The following ZMYM4 variants were observed in gnomAD, a reference collection of about 807,000 sequenced individuals.
ZMYM4 encodes the protein zinc finger MYM-type containing 4.
Under a neutral mutation model 183.2 loss-of-function variants are expected in ZMYM4, and 31 were observed. The observed-to-expected ratio is 0.17, with a 90% CI of 0.13 to 0.23. The LOEUF (loss-of-function observed/expected upper bound fraction) is 0.23. Among genes scored for constraint, ZMYM4 ranks in the 10% least tolerant of loss-of-function variants. ZMYM4 has a pLI of 1.00. For synonymous variants in ZMYM4, 592 were observed against 631.2 expected, an observed-to-expected ratio of 0.94 and a Z score of 0.93; for missense variants, 1,273 against 1,840.3, an observed-to-expected ratio of 0.69 and a Z score of 5.64.
intron 1 of ZMYM4, among the ~76,000 whole-genome samples, chr1:35,270,104 GAGCTA>G (rs1469682443): frequency 2.6e-5 from 4 of 152,218 alleles, no homozygotes; most frequent in African/African-American, 9.7e-5. Flanking sequence ...GCCTGGCACT[GAGCTA>G]AGACCTTTAT....
rs767639673 is a variant in ZMYM4, at chr1:35,325,395, TG to T, written c.76del (p.Val26Ter). 5 of 1,604,260 alleles carry T rather than the reference TG, an allele frequency of 3.1e-6. No homozygotes were observed. The highest frequency in any genetic ancestry group is 4.3e-6 in the Non-Finnish European group (5 of 1,175,094). On this transcript the variant is annotated frameshift_variant, in exon 2 of 30. Coordinates refer to ENST00000314607, the MANE Select transcript of ZMYM4 (RefSeq NM_005095.3). LOFTEE classifies it high-confidence loss of function. Reference protein sequence around the residue: ...QKSGAVFDEIVENCGGIMDTE... With the variant: ...QKSGAVFDEIXENCGGIMDTE... ...AAAGTGGTGCAGTTTTTGATGAAAT[TG>T]TAGAGAACTGTAAGTACCATTTGAG... is the stretch of plus-strand genomic sequence containing the variant.
intron 10 of ZMYM4, 120 bp downstream of exon 10, chr1:35,385,712 T>C: frequency 8.6e-7 from 1 of 1,164,192 alleles, no homozygotes; most frequent in Non-Finnish European, 1.2e-6. Flanking sequence ...CAGATATTTG[T>C]TGTAAAATAT....
At chr1:35,397,670 T>C in intron 20 of ZMYM4, 125 bp downstream of exon 20, 1 of 758,608 alleles carries the variant, frequency 1.3e-6, no homozygotes, top group East Asian at 3.2e-5. Flanking sequence ...ATACCAAGCC[T>C]GTGGGGTTGA....
intron 2 of ZMYM4, among the ~76,000 whole-genome samples, chr1:35,347,715 G>A (rs1000172022): frequency 2.6e-5 from 4 of 152,102 alleles, no homozygotes; most frequent in African/African-American, 9.7e-5. Context: ...AGGAAGAATA[G>A]TAGGAATGCT....
chr1:35,302,526 T>G (rs618654), intron 1 of ZMYM4, among the ~76,000 whole-genome samples: 1 of 151,448 alleles, frequency 6.6e-6, no homozygotes, highest in African/African-American at 2.4e-5. Context: ...GCTGGAACTA[T>G]GGGTGCCTGC....
At chr1:35,287,837 C>T (rs752776484) in intron 1 of ZMYM4, among the ~76,000 whole-genome samples, 12 of 152,262 alleles carry the variant, frequency 7.9e-5, no homozygotes, top group Non-Finnish European at 1.5e-4. Flanking sequence ...AACTCCTGAC[C>T]TCGCGGTCTA....
At chr1:35,373,165 A>G (rs1644251567) in intron 7 of ZMYM4, among the ~76,000 whole-genome samples, 1 of 151,918 alleles carries the variant, frequency 6.6e-6, no homozygotes, top group Non-Finnish European at 1.5e-5. Flanking sequence ...TCTCAAAAAA[A>G]AAGAAAGAAA....
chr1:35,269,036 CG>C lies in ZMYM4; in HGVS notation c.-7del. 1 of 1,541,542 alleles carries C rather than the reference CG, an allele frequency of 6.5e-7. No homozygotes were observed. ...CGCGGGGAGCCGCAGCGGTTCCGAG[CG>C]GGGCCCAACATGGCGGAGAGAGAGG... On this transcript the variant is annotated 5_prime_UTR_variant, in exon 1 of 30. Coordinates refer to ENST00000314607, the MANE Select transcript of ZMYM4 (RefSeq NM_005095.3).
At chr1:35,288,274 T>A (rs902549993) in intron 1 of ZMYM4, among the ~76,000 whole-genome samples, 3 of 152,228 alleles carry the variant, frequency 2.0e-5, no homozygotes, top group Admixed American at 6.5e-5. Context: ...ACCCCATTCA[T>A]TTTTACACAT....
chr1:35,393,366 T>C (rs968566105), intron 17 of ZMYM4, among the ~76,000 whole-genome samples: 10 of 152,192 alleles, frequency 6.6e-5, no homozygotes, highest in Admixed American at 6.5e-5. Flanking sequence ...TCTTGGTAAA[T>C]AGAAATTGTG....
intron 15 of ZMYM4, among the ~76,000 whole-genome samples, chr1:35,390,548 C>T (rs1291301798): frequency 1.3e-5 from 2 of 152,056 alleles, no homozygotes; most frequent in African/African-American, 4.8e-5. Context: ...AGGAACAGGC[C>T]ATTTTCACTT....
rs779799823 is a variant in ZMYM4 at position 35,381,358 on chromosome 1, G to C, written c.1281G>C (p.Leu427=). 1 of 1,601,380 alleles carries C rather than the reference G, an allele frequency of 6.2e-7. No individual in the cohort carries two copies. Among genetic ancestry groups the C allele is most frequent in the Non-Finnish European group, 8.5e-7 (1 of 1,172,770 alleles). The change falls in exon 8 of 30, where the codon CTG becomes CTC. Residue 427 remains leucine, a synonymous_variant. Coordinates refer to ENST00000314607, the MANE Select transcript of ZMYM4 (RefSeq NM_005095.3). The part of the protein sequence containing the change: ...CSQSCLSTYE[L]KKKPIVTINT... ...AGTCATGTTTGTCAACATATGAACT[G>C]AAAAAAAAACCTATTGTTACCATAA...
intron 1 of ZMYM4, among the ~76,000 whole-genome samples, chr1:35,273,660 T>G (rs1462583663): frequency 1.3e-5 from 2 of 152,196 alleles, no homozygotes; most frequent in African/African-American, 4.8e-5. Flanking sequence ...AGTAGTATGC[T>G]TCCATTTTTT....
At chr1:35,387,631 C>T in intron 13 of ZMYM4, 27 bp downstream of exon 13, 1 of 1,585,708 alleles carries the variant, frequency 6.3e-7, no homozygotes, top group Non-Finnish European at 8.5e-7. Flanking sequence ...ATCTTACCTA[C>T]TGAGCATGTT....
Position 35,389,405 on chromosome 1 carries a change from T to C in ZMYM4, c.2436+323T>C, listed in dbSNP as rs1644651178. 1.3e-5 allele frequency among the ~76,000 whole-genome samples: 2 copies of C among 152,204 alleles called. No individual in the cohort carries two copies. Among genetic ancestry groups the C allele is most frequent in the South Asian group, 4.1e-4 (2 of 4,834 alleles). Reference sequence around the variant, plus strand: ...TAGACCTTATTTTTATTTCACTTTGTTTTTTAATTGCTATAGAGTGAAGTC... The same window carrying C: ...TAGACCTTATTTTTATTTCACTTTGCTTTTTAATTGCTATAGAGTGAAGTC... On this transcript the variant is annotated intron_variant, in intron 14 of 29. Coordinates refer to ENST00000314607, the MANE Select transcript of ZMYM4 (RefSeq NM_005095.3). The surrounding 1 kb of genome is among the most constrained non-coding windows in gnomAD (Gnocchi z 4.0).
intron 1 of ZMYM4, among the ~76,000 whole-genome samples, chr1:35,318,596 T>TA (rs1642155897): frequency 6.6e-6 from 1 of 152,060 alleles, no homozygotes; most frequent in South Asian, 2.1e-4. Context: ...TAGCTGGGAT[T>TA]ACAGGCATGT....
chr1:35,362,710 C>CT (rs903264198), intron 5 of ZMYM4, among the ~76,000 whole-genome samples: 166 of 148,058 alleles, frequency 1.1e-3, no homozygotes, highest in East Asian at 0.011. Flanking sequence ...TGTTTTTTCT[C>CT]TTTTTTTTTT....
At chr1:35,290,182 G>C (rs1640692602) in intron 1 of ZMYM4, among the ~76,000 whole-genome samples, 2 of 152,118 alleles carry the variant, frequency 1.3e-5, no homozygotes, top group African/African-American at 4.8e-5. Context: ...TGGCCAGGCT[G>C]GCCTTGAACT....
intron 1 of ZMYM4, among the ~76,000 whole-genome samples, chr1:35,288,686 A>G (rs1165952839): frequency 1.3e-5 from 2 of 152,214 alleles, no homozygotes; most frequent in Non-Finnish European, 2.9e-5. Context: ...CTGATCTAGG[A>G]GAAATAGGCA....
Sources: gnomAD v4.1 joint callset for allele counts (sites outside exome capture counted in the v4.1 genomes callset) on GRCh38, gnomAD v4.1.1 for gene constraint, Gnocchi (gnomAD v3.1) non-coding constraint, MANE v1.5 for transcripts, NCBI Gene and HGNC (gene_info 2026-07-23, HGNC 2026-07-21) for gene names.